The following C10orf90 variants were observed in gnomAD, a reference collection of about 807,000 sequenced individuals.
C10orf90 encodes the protein chromosome 10 open reading frame 90, also known as (E2-independent) E3 ubiquitin-conjugating enzyme FATS.
C10orf90 carries 56 observed loss-of-function variants against 62.5 expected under a neutral mutation model. The observed-to-expected ratio is 0.90, with a 90% CI of 0.72 to 1.12. C10orf90 has a LOEUF of 1.12. Among genes scored for constraint, C10orf90 ranks in the 50% most tolerant of loss-of-function variants. The pLI, the probability that C10orf90 is intolerant of heterozygous loss-of-function variation, is 0.00. For synonymous variants in C10orf90, 386 were observed against 340.4 expected (o/e 1.13, Z -1.47); for missense variants, 970 against 880.4 (o/e 1.10, Z -1.29).
Position 126,550,114 on chromosome 10 carries a change from C to A in C10orf90, c.314-36175G>T, listed in dbSNP as rs569326221. Among the ~76,000 whole-genome samples the A allele has an allele frequency of 9.2e-5, 14 of 152,184 alleles. No homozygotes were observed. In the South Asian group the frequency reaches 2.9e-3, roughly 32 times the overall value. ...GGGATTACAGGCACCCGCCACCACG[C>A]CTGGCTAATTTTTTGTATTTTTTAG... On this transcript the variant is annotated intron_variant, in intron 2 of 9. Coordinates refer to ENST00000488181, the MANE Select transcript of C10orf90 (RefSeq NM_001350921.2).
chr10:126,440,021 T>C (rs924007438), intron 7 of C10orf90, among the ~76,000 whole-genome samples: 5 of 152,136 alleles, frequency 3.3e-5, no homozygotes, highest in African/African-American at 1.2e-4. Flanking sequence ...CAGCTGAACT[T>C]TGTAACAATT....
chr10:126,556,909 C>A (rs1864785353), intron 2 of C10orf90, among the ~76,000 whole-genome samples: 1 of 151,642 alleles, frequency 6.6e-6, no homozygotes, highest in African/African-American at 2.4e-5. Flanking sequence ...GTGCTGTGGG[C>A]CCCAGCGTTT....
chr10:126,530,030 A>G (rs887348579), intron 2 of C10orf90, among the ~76,000 whole-genome samples: 5 of 152,222 alleles, frequency 3.3e-5, no homozygotes, highest in African/African-American at 1.2e-4. Flanking sequence ...TAGTATCTAC[A>G]TTAAAAAACC....
chr10:126,550,818 T>C (rs897600532), intron 2 of C10orf90, among the ~76,000 whole-genome samples: 9 of 152,212 alleles, frequency 5.9e-5, no homozygotes. Context: ...CCTCTTTCTG[T>C]ATTATTTCTT....
intron 6 of C10orf90, among the ~76,000 whole-genome samples, chr10:126,460,608 C>G (rs988175041): frequency 3.9e-5 from 6 of 152,202 alleles, no homozygotes; most frequent in African/African-American, 1.4e-4. Flanking sequence ...AGAGATAACC[C>G]CTAGGAACAG....
At chr10:126,607,214 C>T (rs1281743690) in intron 2 of C10orf90, among the ~76,000 whole-genome samples, 1 of 152,162 alleles carries the variant, frequency 6.6e-6, no homozygotes, top group Non-Finnish European at 1.5e-5. Flanking sequence ...CTGAGGAAGC[C>T]AGGAAAAGTG....
intron 2 of C10orf90, among the ~76,000 whole-genome samples, chr10:126,565,137 A>ATTTATATTACATAATATG (rs1469071740): frequency 8.7e-5 from 4 of 45,766 alleles, no homozygotes; most frequent in Admixed American, 4.0e-4. Context: ...TAATATAAAT[A>ATTTATATTACATAATATG]TAATATTAAA....
intron 3 of C10orf90, among the ~76,000 whole-genome samples, chr10:126,505,456 T>C (rs1410111378): frequency 6.6e-6 from 1 of 152,220 alleles, no homozygotes; most frequent in Non-Finnish European, 1.5e-5. Flanking sequence ...GACAGAATTC[T>C]GGAGGTGGCT....
In C10orf90 at chr10:126,576,373, TCTCA is replaced by T. The variant is rs538565551; in HGVS notation, c.314-62438_314-62435del. 2.8e-3 allele frequency among the ~76,000 whole-genome samples: 417 copies of T among 151,308 alleles called. 3 individuals carry two copies. Among genetic ancestry groups the T allele is most frequent in the African/African-American group, 9.9e-3 (403 of 40,766 alleles). On this transcript the variant is annotated intron_variant, in intron 2 of 9. Coordinates refer to ENST00000488181, the MANE Select transcript of C10orf90 (RefSeq NM_001350921.2). Reference sequence around the variant, plus strand: ...AAATCAAAACCAGAAGGAGGTATCATCTCACTCTAGTTAAAATGGCTACTATCAA... The same window carrying T: ...AAATCAAAACCAGAAGGAGGTATCATCTCTAGTTAAAATGGCTACTATCAA...
At chr10:126,554,255 A>G (rs149498109) in intron 2 of C10orf90, among the ~76,000 whole-genome samples, 1 of 152,298 alleles carries the variant, frequency 6.6e-6, no homozygotes, top group African/African-American at 2.4e-5. Context: ...ATGTCAAGCA[A>G]AAGAAGCCAG....
intron 2 of C10orf90, among the ~76,000 whole-genome samples, chr10:126,634,969 G>A (rs917356602): frequency 1.3e-5 from 2 of 152,200 alleles, no homozygotes; most frequent in African/African-American, 4.8e-5. Flanking sequence ...CTTTCTGGAA[G>A]GGAAGTCCCT....
At chr10:126,667,140 G>A (rs919857960) in intron 1 of C10orf90, among the ~76,000 whole-genome samples, 4 of 151,732 alleles carry the variant, frequency 2.6e-5, no homozygotes, top group African/African-American at 7.3e-5. Flanking sequence ...CTCATTGCAA[G>A]CTCTGCCTCC....
chr10:126,664,098 A>G (rs577470677), intron 1 of C10orf90, among the ~76,000 whole-genome samples: 1 of 152,166 alleles, frequency 6.6e-6, no homozygotes, highest in Non-Finnish European at 1.5e-5. Context: ...CGTGCTCTAA[A>G]TGAAAACTGT....
intron 7 of C10orf90, among the ~76,000 whole-genome samples, chr10:126,436,531 T>G (rs1165649011): frequency 6.6e-6 from 1 of 152,200 alleles, no homozygotes; most frequent in Non-Finnish European, 1.5e-5. Context: ...AATGATAAAG[T>G]CTTGTTACGT....
intron 4 of C10orf90, among the ~76,000 whole-genome samples, chr10:126,485,949 GAA>G (rs11461920): frequency 7.2e-6 from 1 of 139,196 alleles, no homozygotes. Flanking sequence ...TCCATCTCAA[GAA>G]AAAAAAAAAA....
rs567412363 is a variant in C10orf90 at position 126,473,670 on chromosome 10, C to T, written c.1535-8684G>A. Among the ~76,000 whole-genome samples, 4 of 151,992 alleles carry T rather than the reference C, an allele frequency of 2.6e-5. No homozygotes were observed. The East Asian group carries it at 5.8e-4, about 22-fold the overall frequency. On this transcript the variant is annotated intron_variant, in intron 4 of 9. Coordinates refer to ENST00000488181, the MANE Select transcript of C10orf90 (RefSeq NM_001350921.2). The stretch of plus-strand genomic sequence containing the variant: ...TTTTATTTTTTTTTTACAATAGATA[C>T]GCTCTTACATTTTTAAGCCACTGCT...
rs947409474 is a variant in C10orf90, at chr10:126,456,723, G to A, written c.2188+2317C>T. On this transcript the variant is annotated intron_variant, in intron 7 of 9. Transcript: ENST00000488181. This position sits in a 1 kb window ranked among gnomAD's most constrained non-coding sequence, Gnocchi z 4.9. ...AATCCAATGACTGCTGTCTTTATGA[G>A]AAAAGGAAATTTGAACATAGAGACA... is the stretch of plus-strand genomic sequence containing the variant. Among the ~76,000 whole-genome samples the A allele has an allele frequency of 6.6e-6, 1 of 152,144 alleles. No individual in the cohort carries two copies. The highest frequency in any genetic ancestry group is 2.4e-5 in the African/African-American group (1 of 41,446).
chr10:126,452,396 G>C (rs1161510167), intron 7 of C10orf90, among the ~76,000 whole-genome samples: 1 of 152,032 alleles, frequency 6.6e-6, no homozygotes, highest in Non-Finnish European at 1.5e-5. Flanking sequence ...ATTTTTTAGA[G>C]AACCATAAAA....
At chr10:126,465,124 C>T in intron 4 of C10orf90, 138 bp from the exon 5 acceptor site, 1 of 810,004 alleles carries the variant, frequency 1.2e-6, no homozygotes, top group Non-Finnish European at 1.9e-6. Flanking sequence ...GGAGGGCCAT[C>T]TGTATACAGT....
Sources: gnomAD v4.1 joint callset for allele counts (sites outside exome capture counted in the v4.1 genomes callset) on GRCh38, gnomAD v4.1.1 for gene constraint, Gnocchi (gnomAD v3.1) non-coding constraint, MANE v1.5 for transcripts, NCBI Gene and HGNC (gene_info 2026-07-23, HGNC 2026-07-21) for gene names.